The following PCDHGA6 variants were observed in gnomAD, a reference collection of about 807,000 sequenced individuals.
PCDHGA6 encodes protocadherin gamma-A6.
In PCDHGA6, 41 loss-of-function variants were observed where a neutral mutation model predicts 60.6. The observed-to-expected ratio is 0.68, with a 90% confidence interval of 0.53 to 0.88. The LOEUF is 0.88. Among genes scored for constraint, PCDHGA6 ranks in the 40% least tolerant of loss-of-function variants. PCDHGA6 has a pLI of 0.00. For synonymous variants in PCDHGA6, 594 were observed against 524.4 expected, an observed-to-expected ratio of 1.13 and a Z score of -1.81; for missense variants, 1,312 against 1,203.0, an observed-to-expected ratio of 1.09 and a Z score of -1.34.
At chr5:141,482,876 AGCCTG>A (rs2099574018) in intron 1 of PCDHGA6, among the ~76,000 whole-genome samples, 1 of 152,142 alleles carries the variant, frequency 6.6e-6, no homozygotes, top group Admixed American at 6.5e-5. Flanking sequence ...GTTTGAAACC[AGCCTG>A]GCCAACATGG....
Position 141,414,991 on chromosome 5 carries a change from G to A in PCDHGA6, c.2424+38484G>A, listed in dbSNP as rs1162432290. ...GGTGGACAGAGACTCCGGCCAGAAC[G>A]CCTGGCTGTCCTACCGTCTGCTCAA... On this transcript the variant is annotated intron_variant, in intron 1 of 3. Transcript: ENST00000517434. 10 of 1,613,648 alleles carry A rather than the reference G, an allele frequency of 6.2e-6. No homozygotes were observed. The Admixed American group carries it at 1.2e-4, about 19-fold the overall frequency.
chr5:141,482,530 C>CAAAAAAAAAAA (rs3074545), intron 1 of PCDHGA6, among the ~76,000 whole-genome samples: 21 of 76,546 alleles, frequency 2.7e-4, no homozygotes, highest in African/African-American at 4.8e-4. Context: ...GACAGACATG[C>CAAAAAAAAAAA]AAAAAAAAAA....
rs559433377 is a variant in PCDHGA6, at chr5:141,432,679, G to A, written c.2424+56172G>A. ...TGCTGGACAGAGACGCGCTCAAGCAGAGCCTCGTAGTGGCCGTCCAGGACC... is the reference window on the plus strand; with the variant it reads ...TGCTGGACAGAGACGCGCTCAAGCAAAGCCTCGTAGTGGCCGTCCAGGACC... On this transcript the variant is annotated intron_variant, in intron 1 of 3. Transcript: ENST00000517434. The surrounding 1 kb of genome is among the most constrained non-coding windows in gnomAD (Gnocchi z 6.0). The A allele has an allele frequency of 2.3e-4, 369 of 1,613,834 alleles. 1 individual carries two copies. The highest frequency in any genetic ancestry group is 1.7e-4 in the Middle Eastern group (1 of 6,056).
chr5:141,468,899 T>C (rs1051519139), intron 1 of PCDHGA6, among the ~76,000 whole-genome samples: 2 of 151,550 alleles, frequency 1.3e-5, no homozygotes, highest in Non-Finnish European at 2.9e-5. Flanking sequence ...GGTACTAATA[T>C]GATCCAGACT....
At chr5:141,393,334 C>A in intron 1 of PCDHGA6, 1 of 1,613,960 alleles carries the variant, frequency 6.2e-7, no homozygotes, top group Non-Finnish European at 8.5e-7. Flanking sequence ...CAGCTCAGCC[C>A]CAATCACCAC....
chr5:141,382,777 C>T (rs1778426057), intron 1 of PCDHGA6: 3 of 822,272 alleles, frequency 3.6e-6, no homozygotes, highest in South Asian at 2.0e-5. Flanking sequence ...CTGCACTAAA[C>T]TCAAGCCTCT....
At chr5:141,502,169 G>A (rs1366413076) in intron 2 of PCDHGA6, among the ~76,000 whole-genome samples, 1 of 152,110 alleles carries the variant, frequency 6.6e-6, no homozygotes, top group African/African-American at 2.4e-5. Flanking sequence ...ATTCAGTTGA[G>A]GAATTTAACA....
At position 141,410,285 on chromosome 5, in the gene PCDHGA6, G is replaced by T. The variant is rs746596172; in HGVS notation, c.2424+33778G>T. 7 of 1,614,010 alleles carry T rather than the reference G, an allele frequency of 4.3e-6. No homozygotes were observed. The Admixed American group carries it at 1.2e-4, about 27-fold the overall frequency. ...TGAACTGCAGTTTTACCTGGTGGTGGCCTTGGCCTTAATCTCAGTGCTCTT... is the reference window on the plus strand; with the variant it reads ...TGAACTGCAGTTTTACCTGGTGGTGTCCTTGGCCTTAATCTCAGTGCTCTT... On this transcript the variant is annotated intron_variant, in intron 1 of 3. Coordinates refer to ENST00000517434, the MANE Select transcript of PCDHGA6 (RefSeq NM_018919.3).
intron 1 of PCDHGA6, among the ~76,000 whole-genome samples, chr5:141,464,557 C>A (rs1342964264): frequency 6.6e-6 from 1 of 152,132 alleles, no homozygotes; most frequent in Non-Finnish European, 1.5e-5. Context: ...CCCCATCTTG[C>A]ATTCCTACAA....
At position 141,394,267 on chromosome 5, in the gene PCDHGA6, C is replaced by T. The variant is rs563732311; in HGVS notation, c.2424+17760C>T. 1.2e-5 allele frequency: 19 copies of T among 1,613,926 alleles called. No individual in the cohort carries two copies. In the South Asian group the frequency reaches 2.0e-4, roughly 17 times the overall value. On this transcript the variant is annotated intron_variant, in intron 1 of 3. Transcript: ENST00000517434. The stretch of plus-strand genomic sequence containing the variant: ...CACGACCCCGACAGCCAGGAGAATG[C>T]CCAGGTCACTTACTCTGTGACCGAG...
At chr5:141,408,458 G>A (rs760881860) in intron 1 of PCDHGA6, 1 of 1,614,066 alleles carries the variant, frequency 6.2e-7, no homozygotes, top group Admixed American at 1.7e-5. Context: ...GGACTTACTT[G>A]TGAAGAACCG....
chr5:141,415,496 T>C, intron 1 of PCDHGA6: 1 of 1,614,070 alleles, frequency 6.2e-7, no homozygotes. Flanking sequence ...CACCTGATCT[T>C]CCCCCAGCCC....
rs201160783 is a variant in PCDHGA6, at chr5:141,418,846, A to G, written c.2424+42339A>G. The G allele has an allele frequency of 7.4e-5, 120 of 1,613,976 alleles. No homozygotes were observed. In the East Asian group the frequency reaches 2.6e-3, roughly 34 times the overall value. On this transcript the variant is annotated intron_variant, in intron 1 of 3. Transcript: ENST00000517434. Reference sequence around the variant, plus strand: ...CAAAAGACCGAGGATCTCTCTCAACACGGTGTAAAGTAATTGTAGAAGTTG... The same window carrying G: ...CAAAAGACCGAGGATCTCTCTCAACGCGGTGTAAAGTAATTGTAGAAGTTG...
intron 1 of PCDHGA6, among the ~76,000 whole-genome samples, chr5:141,397,112 A>G (rs2093474994): frequency 6.6e-6 from 1 of 152,258 alleles, no homozygotes; most frequent in African/African-American, 2.4e-5. Flanking sequence ...GCAATCCACT[A>G]GAATATCCCT....
intron 2 of PCDHGA6, among the ~76,000 whole-genome samples, chr5:141,503,797 G>A (rs2099831309): frequency 6.6e-6 from 1 of 152,006 alleles, no homozygotes; most frequent in South Asian, 2.1e-4. Context: ...ATCTACTTAG[G>A]GACGGGGAAT....
In PCDHGA6 at chr5:141,400,695, G is replaced by A. The variant is rs187552551; in HGVS notation, c.2424+24188G>A. On this transcript the variant is annotated intron_variant, in intron 1 of 3. Transcript: ENST00000517434. The stretch of plus-strand genomic sequence containing the variant: ...GCAGTAAATTGTGAGTTTTTATGTC[G>A]CATAAAAGAAGTAGCCTTATAGATT... 1.8e-5 allele frequency: 14 copies of A among 759,510 alleles called. No homozygotes were observed. The Admixed American group carries it at 4.0e-4, about 22-fold the overall frequency. The allele number at this position is 759,510 out of a possible 1,614,324, so 47.0% of individuals were successfully genotyped here.
intron 1 of PCDHGA6, chr5:141,415,086 G>C: frequency 5.6e-6 from 9 of 1,613,554 alleles, no homozygotes; most frequent in Non-Finnish European, 6.8e-6. Context: ...GAGCCCTGCT[G>C]GACAGAGACG....
At chr5:141,405,240 C>G (rs2094630274) in intron 1 of PCDHGA6, 4 of 1,614,136 alleles carry the variant, frequency 2.5e-6, no homozygotes, top group African/African-American at 2.7e-5. Context: ...ACCGCTGACT[C>G]AAGGAAGAGT....
intron 1 of PCDHGA6, chr5:141,394,551 C>T: frequency 6.2e-7 from 1 of 1,614,138 alleles, no homozygotes; most frequent in Non-Finnish European, 8.5e-7. Context: ...GCTGGCGCCC[C>T]GCTCCGCAGA....
Sources: allele counts gnomAD v4.1 joint callset (sites outside exome capture counted in the v4.1 genomes callset), GRCh38; gene constraint gnomAD v4.1.1; non-coding constraint Gnocchi (gnomAD v3.1); transcripts MANE v1.5; gene names NCBI Gene and HGNC (gene_info 2026-07-23, HGNC 2026-07-21).